EYS: variants seen among roughly 807,000 people sequenced by gnomAD.
EYS encodes EGF-like photoreceptor maintenance factor.
Under a neutral mutation model 282.1 loss-of-function variants are expected in EYS, and 250 were observed. That is an observed-to-expected ratio of 0.89 (90% CI 0.80 to 0.98). EYS has a LOEUF of 0.98. Ranked by LOEUF, EYS falls within the 50% of genes least tolerant of loss-of-function variation. The probability of loss-of-function intolerance (pLI) is 0.00; values close to 1 mark genes in which losing one functional copy is unlikely to be tolerated. For synonymous variants in EYS, 1,355 were observed against 1,282.9 expected, an observed-to-expected ratio of 1.06 and a Z score of -1.20; for missense variants, 4,016 against 3,709.0, an observed-to-expected ratio of 1.08 and a Z score of -2.15.
intron 26 of EYS, among the ~76,000 whole-genome samples, chr6:64,499,880 G>A (rs115743502): frequency 0.017 from 2,651 of 152,164 alleles, 32 homozygotes; most frequent in Non-Finnish European, 0.026. Context: ...CTGAAATGCC[G>A]TGCTCATTGA....
chr6:64,586,641 C>A (rs1039764780), intron 26 of EYS, among the ~76,000 whole-genome samples: 5 of 151,918 alleles, frequency 3.3e-5, no homozygotes, highest in African/African-American at 1.2e-4. Context: ...GTGTTAAAGT[C>A]TTTTTATTTA....
chr6:65,035,416 A>T (rs958771893), intron 13 of EYS, among the ~76,000 whole-genome samples: 1 of 152,024 alleles, frequency 6.6e-6, no homozygotes, highest in African/African-American at 2.4e-5. Flanking sequence ...CCATGATATG[A>T]TTGTATATAC....
chr6:64,432,141 G>A (rs933866689), intron 28 of EYS, among the ~76,000 whole-genome samples: 5 of 152,056 alleles, frequency 3.3e-5, no homozygotes, highest in African/African-American at 1.2e-4. Context: ...GCTTTGCAGA[G>A]TTTGTAGAAT....
At chr6:64,517,429 C>T (rs1240930749) in intron 26 of EYS, among the ~76,000 whole-genome samples, 1 of 151,752 alleles carries the variant, frequency 6.6e-6, no homozygotes, top group Non-Finnish European at 1.5e-5. Flanking sequence ...ATGGCAATAA[C>T]TGGGTAGGGT....
At chr6:64,165,525 A>T (rs986833164) in intron 31 of EYS, among the ~76,000 whole-genome samples, 3 of 152,154 alleles carry the variant, frequency 2.0e-5, no homozygotes, top group African/African-American at 7.2e-5. Flanking sequence ...GAAAATGTAT[A>T]CTTCAGAGCT....
chr6:64,074,582 A>G (rs554549381), intron 32 of EYS, among the ~76,000 whole-genome samples: 5 of 151,640 alleles, frequency 3.3e-5, no homozygotes, highest in Non-Finnish European at 7.4e-5. Flanking sequence ...CAATATCAAC[A>G]ATTTGAATTG....
In EYS at chr6:65,065,630, G is replaced by A. The variant is rs1470905450; in HGVS notation, c.2024-7903C>T. 4.0e-5 allele frequency among the ~76,000 whole-genome samples: 6 copies of A among 151,834 alleles called. No individual in the cohort carries two copies. In the South Asian group the frequency reaches 1.3e-3, roughly 32 times the overall value. ...TCAATTCCTGACCTGTGATCTGCCC[G>A]CCTCGGCCTCCCAAAGTGCTGGGAT... On this transcript the variant is annotated intron_variant, in intron 12 of 42. Coordinates refer to ENST00000503581, the MANE Select transcript of EYS (RefSeq NM_001142800.2).
At chr6:65,081,310 C>T (rs1012783961) in intron 12 of EYS, among the ~76,000 whole-genome samples, 3 of 151,898 alleles carry the variant, frequency 2.0e-5, no homozygotes, top group East Asian at 1.9e-4. Context: ...TTAGTGGGGA[C>T]CCATAGCTAA....
intron 35 of EYS, among the ~76,000 whole-genome samples, chr6:63,864,571 T>C (rs1364559423): frequency 6.6e-6 from 1 of 152,250 alleles, no homozygotes; most frequent in Non-Finnish European, 1.5e-5. Context: ...GCTTTATAGA[T>C]TATCTGAAGC....
intron 29 of EYS, among the ~76,000 whole-genome samples, chr6:64,376,165 G>T (rs1783758555): frequency 6.6e-6 from 1 of 152,112 alleles, no homozygotes; most frequent in Non-Finnish European, 1.5e-5. Context: ...GATAATATTT[G>T]CTAGAATAGA....
chr6:65,115,053 T>A (rs538832925), intron 12 of EYS, among the ~76,000 whole-genome samples: 86 of 152,174 alleles, frequency 5.7e-4, no homozygotes, highest in African/African-American at 2.1e-3. Flanking sequence ...CTCGGCCTAC[T>A]ACATCAACTT....
intron 5 of EYS, among the ~76,000 whole-genome samples, chr6:65,418,731 A>G (rs1009344007): frequency 6.6e-6 from 1 of 151,896 alleles, no homozygotes; most frequent in Non-Finnish European, 1.5e-5. Flanking sequence ...AGGGGAGGGA[A>G]CGTAGAGGAT....
At chr6:63,825,836 C>T (rs1211032291) in intron 36 of EYS, among the ~76,000 whole-genome samples, 2 of 152,136 alleles carry the variant, frequency 1.3e-5, no homozygotes, top group Non-Finnish European at 1.5e-5. Context: ...AAACAAGGCT[C>T]ATCAACACCC....
At chr6:65,185,919 G>A (rs772036553) in intron 12 of EYS, among the ~76,000 whole-genome samples, 3 of 151,608 alleles carry the variant, frequency 2.0e-5, no homozygotes, top group Non-Finnish European at 4.4e-5. Context: ...TCAGAACATT[G>A]ATATTCTCTT....
At chr6:64,720,681 A>T (rs1771548108) in intron 22 of EYS, among the ~76,000 whole-genome samples, 1 of 152,184 alleles carries the variant, frequency 6.6e-6, no homozygotes, top group Admixed American at 6.5e-5. Context: ...GGTGAAGACT[A>T]TACTAGTGAG....
intron 12 of EYS, among the ~76,000 whole-genome samples, chr6:65,262,080 TC>T (rs2150258819): frequency 6.6e-6 from 1 of 152,166 alleles, no homozygotes; most frequent in South Asian, 2.1e-4. Flanking sequence ...CTGTATCCCA[TC>T]CCTAAATCTC....
intron 26 of EYS, among the ~76,000 whole-genome samples, chr6:64,519,597 A>G (rs1474992438): frequency 2.0e-5 from 3 of 151,786 alleles, no homozygotes; most frequent in Non-Finnish European, 4.4e-5. Flanking sequence ...AGAGGAAGGC[A>G]CTCAATGACT....
At chr6:65,340,904 C>T (rs9445507) in intron 10 of EYS, among the ~76,000 whole-genome samples, 32,925 of 150,898 alleles carry the variant, frequency 0.22, 3,760 homozygotes, top group South Asian at 0.38. Flanking sequence ...CAATGCACTA[C>T]GCTGAGACCA....
intron 14 of EYS, among the ~76,000 whole-genome samples, chr6:64,991,416 T>C (rs1771058506): frequency 6.6e-6 from 1 of 151,618 alleles, no homozygotes; most frequent in Non-Finnish European, 1.5e-5. Flanking sequence ...GGCTACATAA[T>C]AACTACTGAT....
Sources: gnomAD v4.1 joint callset for allele counts (sites outside exome capture counted in the v4.1 genomes callset) on GRCh38, gnomAD v4.1.1 for gene constraint, MANE v1.5 for transcripts, NCBI Gene and HGNC (gene_info 2026-07-23, HGNC 2026-07-21) for gene names.